Variants in MICAL3 observed in about 807,000 individuals in gnomAD.
MICAL3 encodes [F-actin]-monooxygenase MICAL3.
A neutral mutation model predicts 207.4 loss-of-function variants in MICAL3; 62 were observed. The observed-to-expected ratio is 0.30, with a 90% CI of 0.24 to 0.37. The LOEUF is 0.37. MICAL3 is among the 10% of genes least tolerant of loss of function. The pLI is 1.00. For missense variants in MICAL3, 2,368 were observed against 2,635.6 expected (o/e 0.90, Z 2.22); for synonymous variants, 1,077 against 1,069.3 (o/e 1.01, Z -0.14).
At position 17,808,772 on chromosome 22, in the gene MICAL3, C is replaced by A; in HGVS notation, c.5650+72G>T. ...GAGCTGAATTCCAGGTGAGGTGAAG[C>A]AAAACTAGCCTACCACGGCGGGAGG... is the stretch of plus-strand genomic sequence containing the variant. On this transcript the variant is annotated intron_variant, in intron 29 of 31. Coordinates refer to ENST00000441493, the MANE Select transcript of MICAL3 (RefSeq NM_015241.3). 12 of 1,332,506 alleles carry A rather than the reference C, an allele frequency of 9.0e-6. No individual in the cohort carries two copies. The South Asian group carries it at 1.3e-4, about 14-fold the overall frequency. The allele number at this position is 1,332,506 out of a possible 1,614,324, so 82.5% of individuals were successfully genotyped here. A position where few individuals can be genotyped will look rare whatever the true frequency, so the allele number is the denominator to read the frequency against.
chr22:17,957,915 T>A (rs1468345800), intron 1 of MICAL3, among the ~76,000 whole-genome samples: 2 of 151,050 alleles, frequency 1.3e-5, no homozygotes, highest in African/African-American at 4.9e-5. Flanking sequence ...GTGGCTGGAG[T>A]TTCTTAAGCG....
At chr22:17,971,007 C>G (rs1005467384) in intron 1 of MICAL3, among the ~76,000 whole-genome samples, 2 of 152,054 alleles carry the variant, frequency 1.3e-5, no homozygotes, top group African/African-American at 4.8e-5. Context: ...CACGGCAAAA[C>G]CCCGCCTCTG....
chr22:17,936,524 C>T (rs1057063463), intron 1 of MICAL3, among the ~76,000 whole-genome samples: 37 of 149,512 alleles, frequency 2.5e-4, no homozygotes, highest in African/African-American at 7.7e-4. Flanking sequence ...TGTATACCTA[C>T]GTATCAAACC....
At chr22:17,846,554 T>C (rs1924652169) in intron 19 of MICAL3, among the ~76,000 whole-genome samples, 1 of 152,206 alleles carries the variant, frequency 6.6e-6, no homozygotes, top group Admixed American at 6.5e-5. Flanking sequence ...GACAGCCCTG[T>C]GACCTCCTCC....
intron 1 of MICAL3, among the ~76,000 whole-genome samples, chr22:17,931,626 A>G (rs1479936906): frequency 6.6e-6 from 1 of 152,214 alleles, no homozygotes; most frequent in Non-Finnish European, 1.5e-5. Flanking sequence ...ACAGAATTCA[A>G]TGTGCACCCT....
intron 1 of MICAL3, among the ~76,000 whole-genome samples, chr22:17,960,324 G>C (rs1269621990): frequency 1.3e-5 from 2 of 152,228 alleles, no homozygotes; most frequent in African/African-American, 4.8e-5. Flanking sequence ...ACATGCGTGT[G>C]CATGTGTCCT....
intron 1 of MICAL3, among the ~76,000 whole-genome samples, chr22:17,993,565 C>T (rs1921936463): frequency 6.6e-6 from 1 of 152,072 alleles, no homozygotes; most frequent in Non-Finnish European, 1.5e-5. Context: ...AGGAGCAGGG[C>T]AGCCCTCAGC....
intron 20 of MICAL3, among the ~76,000 whole-genome samples, chr22:17,838,299 A>G (rs1187832088): frequency 6.6e-6 from 1 of 152,156 alleles, no homozygotes. Context: ...TGCTTTCATC[A>G]CAAGCCCTGG....
intron 1 of MICAL3, among the ~76,000 whole-genome samples, chr22:17,938,572 G>A (rs140153154): frequency 6.6e-6 from 1 of 152,306 alleles, no homozygotes; most frequent in Non-Finnish European, 1.5e-5. Context: ...GCAGACCACT[G>A]TGCTGCACTT....
rs1334678073 is a variant in MICAL3, at chr22:17,818,276, G to A, written c.4385C>T (p.Pro1462Leu). ...GGCGGGCTCCTCGCCCGGGGGTGGC[G>A]GTGGGGGCGGGCTGGAGGGGGGCGT... Reference protein sequence around the residue: ...MLTPPSSPPPPPPPGEEPATL... With the variant: ...MLTPPSSPPPLPPPGEEPATL... The change falls in exon 26 of 32, where the codon CCG becomes CTG. Residue 1462 changes from proline to leucine, a missense_variant. Physicochemically the swap from Pro to Leu is moderately conservative, Grantham distance 98. Transcript: ENST00000441493. 9.9e-6 allele frequency: 15 copies of A among 1,508,892 alleles called. No individual in the cohort carries two copies. Among genetic ancestry groups the A allele is most frequent in the East Asian group, 4.9e-5 (2 of 40,660 alleles). The allele number at this position is 1,508,892 out of a possible 1,614,324, so 93.5% of individuals were successfully genotyped here. A position where few individuals can be genotyped will look rare whatever the true frequency, so the allele number is the denominator to read the frequency against.
intron 1 of MICAL3, chr22:17,983,414 C>T (rs1273787187): frequency 7.2e-6 from 1 of 139,614 alleles, no homozygotes; most frequent in Non-Finnish European, 1.5e-5. Flanking sequence ...GCACACTCAT[C>T]TCTACCTATT....
At position 17,793,323 on chromosome 22, in the gene MICAL3, G is replaced by A. The variant is rs939630452; in HGVS notation, c.5651-2022C>T. Among the ~76,000 whole-genome samples the A allele has an allele frequency of 2.6e-5, 4 of 152,246 alleles. No individual in the cohort carries two copies. Among genetic ancestry groups the A allele is most frequent in the East Asian group, 1.9e-4 (1 of 5,208 alleles). ...TCAGTGGTTGTTTGGAAAGGGGCCC[G>A]AGGGCACTGGTGTAGATCAGTCTTT... On this transcript the variant is annotated intron_variant, in intron 29 of 31. Coordinates refer to ENST00000441493, the MANE Select transcript of MICAL3 (RefSeq NM_015241.3). This position sits in a 1 kb window ranked among gnomAD's most constrained non-coding sequence, Gnocchi z 4.1.
rs190828415 is a variant in MICAL3, at chr22:17,817,545, G to A, written c.5116C>T (p.Arg1706Cys). Residue 1706 changes from arginine to cysteine, a missense_variant, in exon 26 of 32, where the codon CGC (arginine) becomes TGC (cysteine). Coordinates refer to ENST00000441493, the MANE Select transcript of MICAL3 (RefSeq NM_015241.3). ...SKKRSSLFSP[R>C]RNKKEKKSKG... The stretch of plus-strand genomic sequence containing the variant: ...GACTTCTTCTCCTTCTTGTTTCTGC[G>A]GGGGGAGAAGAGTGACGACCTCTTC... The A allele has an allele frequency of 1.6e-4, 265 of 1,613,394 alleles. No homozygotes were observed. Among genetic ancestry groups the A allele is most frequent in the Non-Finnish European group, 8.7e-5 (103 of 1,179,784 alleles).
intron 21 of MICAL3, among the ~76,000 whole-genome samples, chr22:17,830,254 C>T (rs1383134068): frequency 1.3e-5 from 2 of 152,150 alleles, no homozygotes; most frequent in African/African-American, 2.4e-5. Flanking sequence ...CAGCCACTGC[C>T]TGCACAGGCA....
At chr22:17,963,198 C>T (rs899056600) in intron 1 of MICAL3, among the ~76,000 whole-genome samples, 6 of 152,046 alleles carry the variant, frequency 3.9e-5, no homozygotes, top group Admixed American at 1.3e-4. Flanking sequence ...CTGCACCCGC[C>T]GCCTCCCAGG....
chr22:17,896,856 G>A lies in MICAL3; in HGVS notation c.1074C>T (p.Ile358=). Residue 358 remains isoleucine, a synonymous_variant, in exon 8 of 32, where the codon ATC becomes ATT. Transcript: ENST00000441493. ...QQQLPSLDFA[I]NHYGQPDVAM... is the part of the protein sequence containing the mutation. ...CCACATCGGGCTGCCCATAGTGATT[G>A]ATGGCAAAATCCAGAGACGGCAGCT... 6.2e-7 allele frequency: 1 copy of A among 1,614,180 alleles called. No individual in the cohort carries two copies. The highest frequency in any genetic ancestry group is 8.5e-7 in the Non-Finnish European group (1 of 1,180,030).
At chr22:17,982,063 C>T (rs546746784) in intron 1 of MICAL3, among the ~76,000 whole-genome samples, 57 of 152,046 alleles carry the variant, frequency 3.7e-4, no homozygotes, top group South Asian at 1.2e-3. Flanking sequence ...CGAGACTGCA[C>T]CACTGCACTC....
Position 17,805,506 on chromosome 22 carries a change from C to A in MICAL3, c.5650+3338G>T, listed in dbSNP as rs574766054. 8.5e-5 allele frequency among the ~76,000 whole-genome samples: 13 copies of A among 152,334 alleles called. No individual in the cohort carries two copies. In the South Asian group the frequency reaches 2.3e-3, roughly 27 times the overall value. ...ATCACAACGAAATATCCCAACAGAG[C>A]TACTAAGGCCCATCTTGAAAAACAG... On this transcript the variant is annotated intron_variant, in intron 29 of 31. Transcript: ENST00000441493.
rs550064004 is a variant in MICAL3 at position 17,865,859 on chromosome 22, G to A, written c.2517+65C>T. 353 of 1,397,896 alleles carry A rather than the reference G, an allele frequency of 2.5e-4. 3 individuals are homozygous for A. The South Asian group carries it at 3.4e-3, about 13-fold the overall frequency. 86.6% of individuals were successfully genotyped at this position (1,397,896 alleles called of 1,614,324 possible). ...GGGCATTTGCAGGTTGGCCGCCCCCGGCCCATAGCCACACTGCTGCAACAC... is the reference window on the plus strand; with the variant it reads ...GGGCATTTGCAGGTTGGCCGCCCCCAGCCCATAGCCACACTGCTGCAACAC... On this transcript the variant is annotated intron_variant, in intron 18 of 31. Coordinates refer to ENST00000441493, the MANE Select transcript of MICAL3 (RefSeq NM_015241.3).
Sources: gnomAD v4.1 joint callset for allele counts (sites outside exome capture counted in the v4.1 genomes callset) on GRCh38, gnomAD v4.1.1 for gene constraint, Gnocchi (gnomAD v3.1) non-coding constraint, MANE v1.5 for transcripts, NCBI Gene and HGNC (gene_info 2026-07-23, HGNC 2026-07-21) for gene names.